Variants in CCNB2 observed in about 807,000 individuals in gnomAD.
The protein encoded by CCNB2 is G2/mitotic-specific cyclin-B2.
In CCNB2, 39 loss-of-function variants were observed where a neutral mutation model predicts 51.1. The observed-to-expected ratio is 0.76, with a 90% CI of 0.59 to 1.00. CCNB2 has a LOEUF of 1.00. Among genes scored for constraint, CCNB2 ranks in the 50% least tolerant of loss-of-function variants. The probability of loss-of-function intolerance (pLI) is 0.00; values close to 1 mark genes in which losing one functional copy is unlikely to be tolerated. For missense variants in CCNB2, 472 were observed against 470.3 expected (o/e 1.00, Z -0.03); for synonymous variants, 174 against 165.5 (o/e 1.05, Z -0.40).
chr15:59,118,732 G>A (rs1192984648), intron 7 of CCNB2, among the ~76,000 whole-genome samples: 1 of 152,194 alleles, frequency 6.6e-6, no homozygotes, highest in Non-Finnish European at 1.5e-5. Flanking sequence ...GCCTCCCAGG[G>A]GAGATAGGGA....
At position 59,107,605 on chromosome 15, in the gene CCNB2, G is replaced by A. The variant is rs761914242; in HGVS notation, c.202G>A (p.Val68Ile). The part of the protein sequence containing the change: ...VPVQPTKTTN[V>I]NKQLKPTASV... The stretch of plus-strand genomic sequence containing the variant: ...AGTTCAACCCACCAAAACAACAAAT[G>A]TCAACAAACAACTGAAACCTACTGC... The change falls in exon 3 of 9, where the codon GTC (valine) becomes ATC (isoleucine). Residue 68 changes from valine to isoleucine, a missense_variant. Transcript: ENST00000288207. The A allele has an allele frequency of 3.7e-6, 6 of 1,614,036 alleles. No homozygotes were observed. The highest frequency in any genetic ancestry group is 5.1e-6 in the Non-Finnish European group (6 of 1,180,034).
intron 7 of CCNB2, among the ~76,000 whole-genome samples, chr15:59,117,679 C>A (rs1457520886): frequency 6.6e-6 from 1 of 152,178 alleles, no homozygotes; most frequent in Non-Finnish European, 1.5e-5. Flanking sequence ...GCCATGTTGT[C>A]TAGGCTAGCC....
intron 5 of CCNB2, 23 bp from the exon 6 acceptor site, chr15:59,116,667 T>C (rs756864076): frequency 5.8e-6 from 9 of 1,541,796 alleles, no homozygotes; most frequent in East Asian, 4.5e-5. Flanking sequence ...GGTGTGACTT[T>C]TGTTACATTA....
chr15:59,106,446 T>A (rs555886960), intron 1 of CCNB2, among the ~76,000 whole-genome samples: 146 of 152,310 alleles, frequency 9.6e-4, no homozygotes, highest in Non-Finnish European at 1.5e-3. Flanking sequence ...TCAAACCCCT[T>A]GTTGGGAGTT....
chr15:59,112,850 C>T (rs1263230061), intron 3 of CCNB2, among the ~76,000 whole-genome samples: 4 of 151,322 alleles, frequency 2.6e-5, no homozygotes, highest in South Asian at 4.2e-4. Flanking sequence ...CTGGCTAACA[C>T]GGTGAAACCC....
chr15:59,114,381 G>C, intron 3 of CCNB2, 63 bp from the exon 4 acceptor site: 3 of 1,278,580 alleles, frequency 2.3e-6, no homozygotes, highest in Non-Finnish European at 3.3e-6. Flanking sequence ...ATTTAAGCCA[G>C]TTGGCTCTGC....
chr15:59,116,625 T>C, intron 5 of CCNB2, 65 bp from the exon 6 acceptor site: 2 of 1,191,522 alleles, frequency 1.7e-6, no homozygotes, highest in Non-Finnish European at 1.2e-6. Context: ...TCCTTTCCCC[T>C]TCTCCCACCT....
chr15:59,110,892 C>T lies in CCNB2; in HGVS notation c.267+3222C>T, dbSNP rs568197068. On this transcript the variant is annotated intron_variant, in intron 3 of 8. Coordinates refer to ENST00000288207, the MANE Select transcript of CCNB2 (RefSeq NM_004701.4). Reference sequence around the variant, plus strand: ...TAGAAAGGACATGGAAGGCTTTCTACTAGTCCCATGTTTGCTGGACACTGG... The same window carrying T: ...TAGAAAGGACATGGAAGGCTTTCTATTAGTCCCATGTTTGCTGGACACTGG... 4.6e-5 allele frequency among the ~76,000 whole-genome samples: 7 copies of T among 152,330 alleles called. No homozygotes were observed. The East Asian group carries it at 1.4e-3, about 29-fold the overall frequency.
chr15:59,107,182 C>T, intron 1 of CCNB2, 140 bp from the exon 2 acceptor site: 1 of 741,552 alleles, frequency 1.3e-6, no homozygotes, highest in Non-Finnish European at 2.1e-6. Context: ...TTTAGACTTC[C>T]TGAAATGTAC....
At position 59,105,206 on chromosome 15, in the gene CCNB2, C is replaced by T; in HGVS notation, c.-63C>T. On this transcript the variant is annotated 5_prime_UTR_variant, in exon 1 of 9. Transcript: ENST00000288207. ...CTAACGGCGCCTCGTACGCTAGTGT[C>T]CTCCCTTTTCAGTCCGCGTCCCTCC... The T allele has an allele frequency of 6.6e-7, 1 of 1,505,770 alleles. No homozygotes were observed. Among genetic ancestry groups the T allele is most frequent in the Non-Finnish European group, 9.0e-7 (1 of 1,110,162 alleles). 93.3% of individuals were successfully genotyped at this position (1,505,770 alleles called of 1,614,324 possible).
chr15:59,122,127 A>G (rs1195665777), intron 7 of CCNB2, among the ~76,000 whole-genome samples: 1 of 151,920 alleles, frequency 6.6e-6, no homozygotes, highest in East Asian at 1.9e-4. Flanking sequence ...TTCAAAGAAA[A>G]AAAGAGATTA....
intron 6 of CCNB2, 145 bp from the exon 7 acceptor site, chr15:59,117,083 A>G (rs1004295416): frequency 5.0e-5 from 50 of 1,005,712 alleles, no homozygotes; most frequent in Non-Finnish European, 6.5e-5. Flanking sequence ...CTCATGATCT[A>G]TGTTTACAAC....
chr15:59,124,228 G>C (rs1436842120), intron 8 of CCNB2: 1 of 165,232 alleles, frequency 6.1e-6, no homozygotes, highest in Non-Finnish European at 1.3e-5. Context: ...CCAAACATCA[G>C]AGCTCACCAA....
Position 59,107,627 on chromosome 15 carries a change from C to T in CCNB2, c.224C>T (p.Thr75Ile), listed in dbSNP as rs1211826519. 3.7e-6 allele frequency: 6 copies of T among 1,614,168 alleles called. No homozygotes were observed. The highest frequency in any genetic ancestry group is 4.2e-6 in the Non-Finnish European group (5 of 1,180,026). ...AATGTCAACAAACAACTGAAACCTA[C>T]TGCTTCTGTCAAACCAGTACAGATG... The part of the protein sequence containing the change: ...TTNVNKQLKP[T>I]ASVKPVQMEK... Residue 75 changes from threonine (T) to isoleucine (I), a missense_variant, in exon 3 of 9, where the codon ACT (threonine) becomes ATT (isoleucine). Physicochemically the swap from Thr to Ile is moderately conservative, Grantham distance 89. Coordinates refer to ENST00000288207, the MANE Select transcript of CCNB2 (RefSeq NM_004701.4).
Position 59,123,555 on chromosome 15 carries a change from T to A in CCNB2, c.1014T>A (p.Asn338Lys). The stretch of plus-strand genomic sequence containing the variant: ...AGTATTACACAGGATACACAGAGAA[T>A]GAAGTATTGGAAGTCATGCAGCACA... Reference protein sequence around the residue: ...KQQYYTGYTENEVLEVMQHMA... With the variant: ...KQQYYTGYTEKEVLEVMQHMA... The change falls in exon 8 of 9, where the codon AAT (asparagine) becomes AAA (lysine). Residue 338 changes from asparagine (N) to lysine (K), a missense_variant. Physicochemically the swap from Asn to Lys is moderately conservative, Grantham distance 94. Transcript: ENST00000288207. 6.2e-7 allele frequency: 1 copy of A among 1,613,288 alleles called. No individual in the cohort carries two copies. The highest frequency in any genetic ancestry group is 1.1e-5 in the South Asian group (1 of 91,064).
In CCNB2 at chr15:59,105,249, T is replaced by A; in HGVS notation, c.-20T>A. The A allele has an allele frequency of 6.4e-7, 1 of 1,562,682 alleles. No individual in the cohort carries two copies. Among genetic ancestry groups the A allele is most frequent in the Non-Finnish European group, 8.7e-7 (1 of 1,155,692 alleles). On this transcript the variant is annotated 5_prime_UTR_variant, in exon 1 of 9. Transcript: ENST00000288207. ...GTCCCTCCCTGGGCCGGGCTGGCAC[T>A]CTTGCCTTCCCCGTCCCTCATGGCG...
Position 59,107,677 on chromosome 15 carries a change from A to C in CCNB2, c.267+7A>C. The C allele has an allele frequency of 6.2e-7, 1 of 1,609,424 alleles. No individual in the cohort carries two copies. The highest frequency in any genetic ancestry group is 1.1e-5 in the South Asian group (1 of 90,844). ...GGAAAAGTTGGCTCCAAAGGTAGGA[A>C]GTTCTGAATTTACAAACGTATTTAA... On this transcript the variant is annotated splice_region_variant and intron_variant, in intron 3 of 8. Transcript: ENST00000288207.
Position 59,122,183 on chromosome 15 carries a change from G to T in CCNB2, c.976-1334G>T, listed in dbSNP as rs536565727. Among the ~76,000 whole-genome samples, 21 of 147,668 alleles carry T rather than the reference G, an allele frequency of 1.4e-4. No individual in the cohort carries two copies. In the South Asian group the frequency reaches 4.3e-3, roughly 30 times the overall value. ...ATTATACCATGCATATGAAAAAAAC[G>T]TACTTTCGCTTTTAGAATTTTTGTC... On this transcript the variant is annotated intron_variant, in intron 7 of 8. Transcript: ENST00000288207.
chr15:59,124,504 A>G (rs2079316932), intron 8 of CCNB2: 2 of 451,082 alleles, frequency 4.4e-6, no homozygotes, highest in Admixed American at 7.9e-5. Flanking sequence ...CTGGTAGCCT[A>G]CAAGAGGAAG....
Sources: allele counts gnomAD v4.1 joint callset (sites outside exome capture counted in the v4.1 genomes callset), GRCh38; gene constraint gnomAD v4.1.1; transcripts MANE v1.5; gene names NCBI Gene and HGNC (gene_info 2026-07-23, HGNC 2026-07-21).